CADM2: variants seen among roughly 807,000 people sequenced by gnomAD.
CADM2 encodes cell adhesion molecule 2.
A neutral mutation model predicts 49.8 loss-of-function variants in CADM2; 12 were observed. The observed-to-expected ratio is 0.24, with a 90% CI of 0.15 to 0.39. The LOEUF is 0.39. Ranked by LOEUF, CADM2 falls within the 10% of genes least tolerant of loss-of-function variation. The pLI is 1.00. For missense variants in CADM2, 378 were observed against 492.3 expected (o/e 0.77, Z 2.20); for synonymous variants, 214 against 175.4 (o/e 1.22, Z -1.74).
intron 1 of CADM2, among the ~76,000 whole-genome samples, chr3:85,539,387 C>T (rs905775209): frequency 2.0e-5 from 3 of 152,002 alleles, no homozygotes; most frequent in Non-Finnish European, 4.4e-5. Context: ...CCAGAACATG[C>T]GAAGCATTTG....
chr3:85,332,413 C>T (rs2044953782), intron 1 of CADM2, among the ~76,000 whole-genome samples: 1 of 151,762 alleles, frequency 6.6e-6, no homozygotes, highest in South Asian at 2.1e-4. Context: ...AAAAGAAAAC[C>T]TGTGTGTAGG....
intron 3 of CADM2, among the ~76,000 whole-genome samples, chr3:85,843,219 T>C (rs1181054113): frequency 1.3e-5 from 2 of 152,168 alleles, no homozygotes. Context: ...AATCCATTTA[T>C]GAAATTGAAA....
intron 2 of CADM2, among the ~76,000 whole-genome samples, chr3:85,747,779 A>G (rs1414873594): frequency 6.6e-6 from 1 of 152,078 alleles, no homozygotes; most frequent in African/African-American, 2.4e-5. Flanking sequence ...CACAGTCTCA[A>G]TGAGATCATC....
intron 7 of CADM2, among the ~76,000 whole-genome samples, chr3:85,942,347 A>G (rs1223480341): frequency 6.6e-6 from 1 of 151,860 alleles, no homozygotes; most frequent in Non-Finnish European, 1.5e-5. Context: ...TTTGTTTTTT[A>G]TTATACCTTA....
intron 1 of CADM2, among the ~76,000 whole-genome samples, chr3:85,148,254 C>G (rs2039814075): frequency 6.6e-6 from 1 of 152,158 alleles, no homozygotes; most frequent in Admixed American, 6.5e-5. Flanking sequence ...AATAGCAGAG[C>G]TTCCTAGGCT....
intron 1 of CADM2, among the ~76,000 whole-genome samples, chr3:85,131,830 A>G (rs1254645930): frequency 6.6e-6 from 1 of 152,140 alleles, no homozygotes; most frequent in African/African-American, 2.4e-5. Context: ...CTACGATACA[A>G]TTAAATTCTG....
At chr3:85,590,418 A>G (rs547091894) in intron 1 of CADM2, among the ~76,000 whole-genome samples, 1 of 152,074 alleles carries the variant, frequency 6.6e-6, no homozygotes, top group East Asian at 1.9e-4. Flanking sequence ...AAACTTTTAG[A>G]CTGAAAGCAA....
At chr3:85,115,503 G>A (rs1484543746) in intron 1 of CADM2, among the ~76,000 whole-genome samples, 1 of 151,982 alleles carries the variant, frequency 6.6e-6, no homozygotes. Flanking sequence ...TTCCCTTCTG[G>A]CAGGAGGACT....
intron 1 of CADM2, among the ~76,000 whole-genome samples, chr3:85,184,679 T>C (rs967807575): frequency 1.3e-5 from 2 of 152,066 alleles, no homozygotes; most frequent in African/African-American, 4.8e-5. Context: ...TCATGAGAGA[T>C]AAACACCTAA....
chr3:85,189,025 C>T lies in CADM2; in HGVS notation c.61+229357C>T, dbSNP rs113217097. On this transcript the variant is annotated intron_variant, in intron 1 of 9. Coordinates refer to ENST00000383699, the MANE Select transcript of CADM2 (RefSeq NM_001167675.2). ...CAGCCTGGGCAACAGATTGTGACTCCGTCTCAAAAAAATAATAATAGTAAT... is the reference window on the plus strand; with the variant it reads ...CAGCCTGGGCAACAGATTGTGACTCTGTCTCAAAAAAATAATAATAGTAAT... Among the ~76,000 whole-genome samples the T allele has an allele frequency of 4.2e-3, 623 of 148,514 alleles. 4 individuals carry two copies. The highest frequency in any genetic ancestry group is 0.014 in the African/African-American group (560 of 40,404).
In CADM2 at chr3:85,174,517, A is replaced by AAT. The variant is rs201772803; in HGVS notation, c.61+214861_61+214862dup. On this transcript the variant is annotated intron_variant, in intron 1 of 9. Coordinates refer to ENST00000383699, the MANE Select transcript of CADM2 (RefSeq NM_001167675.2). ...TGACTTGTATGTGTGTGTATATATA[A>AAT]ATATATATATATACACATATATATA... Among the ~76,000 whole-genome samples the AAT allele has an allele frequency of 7.3e-3, 1,065 of 146,628 alleles. 12 individuals carry two copies. The highest frequency in any genetic ancestry group is 0.025 in the African/African-American group (954 of 37,796).
chr3:85,122,746 G>A (rs1264158266), intron 1 of CADM2, among the ~76,000 whole-genome samples: 1 of 151,784 alleles, frequency 6.6e-6, no homozygotes, highest in African/African-American at 2.4e-5. Flanking sequence ...ATCCTTGCCG[G>A]ATTCCTTTTC....
At chr3:85,677,994 G>A (rs747312854) in intron 1 of CADM2, among the ~76,000 whole-genome samples, 26 of 152,108 alleles carry the variant, frequency 1.7e-4, no homozygotes, top group Non-Finnish European at 3.5e-4. Context: ...TATGGTTGGA[G>A]GATAACAAAG....
At chr3:85,544,286 A>G (rs893938620) in intron 1 of CADM2, among the ~76,000 whole-genome samples, 2 of 152,260 alleles carry the variant, frequency 1.3e-5, no homozygotes, top group African/African-American at 4.8e-5. Context: ...AGATTTATAT[A>G]AAAAAGAGGA....
intron 1 of CADM2, among the ~76,000 whole-genome samples, chr3:85,682,916 G>T (rs543521401): frequency 6.6e-6 from 1 of 152,036 alleles, no homozygotes; most frequent in South Asian, 2.1e-4. Flanking sequence ...TGTATCTTCA[G>T]AGCCTAGAAG....
intron 1 of CADM2, among the ~76,000 whole-genome samples, chr3:85,212,830 CTTTCTTTCTTTCT>C (rs2041815295): frequency 1.0e-5 from 1 of 99,766 alleles, no homozygotes; most frequent in South Asian, 3.3e-4. Context: ...TTCTTTCTTT[CTTTCTTTCTTTCT>C]TTCTTTCTTT....
At chr3:85,999,265 G>T in intron 8 of CADM2, among the ~76,000 whole-genome samples, 1 of 141,066 alleles carries the variant, frequency 7.1e-6, no homozygotes, top group African/African-American at 2.7e-5. Flanking sequence ...TTGGGAGGCC[G>T]AGGGTTGGGG....
intron 1 of CADM2, among the ~76,000 whole-genome samples, chr3:85,344,494 G>T (rs1305392485): frequency 1.3e-5 from 2 of 151,866 alleles, no homozygotes; most frequent in African/African-American, 4.8e-5. Flanking sequence ...GACCAGGGGG[G>T]TGTTTGTAGT....
intron 2 of CADM2, among the ~76,000 whole-genome samples, chr3:85,773,220 G>T (rs1272314020): frequency 6.6e-6 from 1 of 152,002 alleles, no homozygotes; most frequent in African/African-American, 2.4e-5. Context: ...AGAAAACATA[G>T]CAGAGTGGTG....
Sources: gnomAD v4.1 joint callset for allele counts (sites outside exome capture counted in the v4.1 genomes callset) on GRCh38, gnomAD v4.1.1 for gene constraint, MANE v1.5 for transcripts, NCBI Gene and HGNC (gene_info 2026-07-23, HGNC 2026-07-21) for gene names.